Variants in PAH observed in about 807,000 individuals in gnomAD.
PAH encodes the protein phenylalanine hydroxylase, also known as phenylalanine-4-hydroxylase.
A neutral mutation model predicts 62.0 loss-of-function variants in PAH; 64 were observed. The ratio of observed to expected loss-of-function variants is 1.03; its 90% CI spans 0.84 to 1.27. The LOEUF is 1.27. Ranked by LOEUF, PAH falls within the 50% of genes most tolerant of loss-of-function variation. The pLI is 0.00. For synonymous variants in PAH, 195 were observed against 196.2 expected (o/e 0.99, Z 0.05); for missense variants, 579 against 542.8 (o/e 1.07, Z -0.66).
At chr12:102,854,239 T>G (rs12298125) in intron 6 of PAH, among the ~76,000 whole-genome samples, 34,645 of 152,132 alleles carry the variant, frequency 0.23, 4,783 homozygotes, top group Admixed American at 0.36. Flanking sequence ...CTTCCCTTCC[T>G]GCCAAGTAAT....
At chr12:102,842,617 G>C (rs1043151810) in intron 11 of PAH, among the ~76,000 whole-genome samples, 1 of 151,990 alleles carries the variant, frequency 6.6e-6, no homozygotes, top group Non-Finnish European at 1.5e-5. Context: ...TGAGGGGTCT[G>C]GGGGGGATGG....
intron 2 of PAH, among the ~76,000 whole-genome samples, chr12:102,896,366 T>C (rs935659734): frequency 2.0e-5 from 3 of 152,196 alleles, no homozygotes; most frequent in Admixed American, 6.5e-5. Context: ...CACAGGGTCA[T>C]TGCAGGCCAT....
intron 1 of PAH, among the ~76,000 whole-genome samples, chr12:102,932,438 G>T (rs1878917175): frequency 6.6e-6 from 1 of 152,286 alleles, no homozygotes; most frequent in South Asian, 2.1e-4. Context: ...GTTGCTTGAG[G>T]CTAGGAAGAT....
At chr12:102,889,627 G>A (rs1877196311) in intron 3 of PAH, among the ~76,000 whole-genome samples, 1 of 152,138 alleles carries the variant, frequency 6.6e-6, no homozygotes, top group Non-Finnish European at 1.5e-5. Context: ...CTGGCAATTT[G>A]AACTCACTTT....
intron 1 of PAH, among the ~76,000 whole-genome samples, chr12:102,924,216 A>G (rs1471961168): frequency 6.6e-6 from 1 of 152,200 alleles, no homozygotes; most frequent in African/African-American, 2.4e-5. Context: ...ATAAATCCTT[A>G]CAGTGAGTAT....
chr12:102,883,440 C>T (rs1306156690), intron 3 of PAH, among the ~76,000 whole-genome samples: 1 of 152,230 alleles, frequency 6.6e-6, no homozygotes, highest in East Asian at 1.9e-4. Flanking sequence ...GTGACTTTTT[C>T]CTTCTCCAGA....
exon 1 of PAH, chr12:102,958,213 C>T: frequency 6.9e-7 from 1 of 1,452,734 alleles, no homozygotes; most frequent in Non-Finnish European, 9.0e-7. Flanking sequence ...CCGGATCGCT[C>T]TGATTCCGCG....
chr12:102,861,242 A>G (rs10778200), intron 5 of PAH, among the ~76,000 whole-genome samples: 97,414 of 152,010 alleles, frequency 0.64, 32,571 homozygotes, highest in African/African-American at 0.78. Context: ...GCTCATCATC[A>G]CTGGCCATCA....
intron 4 of PAH, among the ~76,000 whole-genome samples, chr12:102,867,462 G>C (rs1320565264): frequency 6.6e-6 from 1 of 152,170 alleles, no homozygotes; most frequent in African/African-American, 2.4e-5. Context: ...TTGAGTGTTT[G>C]GGGTGGAAAT....
At position 102,837,076 on chromosome 12, in the gene PAH, C is replaced by A. The variant is rs1874394812; in HGVS notation, c.*2099G>T. The A allele has an allele frequency of 6.6e-6, 1 of 152,150 alleles. No homozygotes were observed. 9.4% of individuals were successfully genotyped at this position (152,150 alleles called of 1,614,324 possible). ...CAGCAAGATCATCTGTCAGTAAAGACTGATACTGTTTCTAAAATATTGCTC... is the reference window on the plus strand; with the variant it reads ...CAGCAAGATCATCTGTCAGTAAAGAATGATACTGTTTCTAAAATATTGCTC... On this transcript the variant is annotated 3_prime_UTR_variant, in exon 13 of 13. Coordinates refer to ENST00000553106, the MANE Select transcript of PAH (RefSeq NM_000277.3).
At chr12:102,868,630 G>C (rs972224171) in intron 4 of PAH, among the ~76,000 whole-genome samples, 2 of 150,956 alleles carry the variant, frequency 1.3e-5, no homozygotes, top group South Asian at 4.2e-4. Flanking sequence ...CGTTTCTACT[G>C]GGTGAAGGTA....
chr12:102,956,915 AT>A (rs1426066450), intron 1 of PAH, among the ~76,000 whole-genome samples: 1 of 152,158 alleles, frequency 6.6e-6, no homozygotes, highest in East Asian at 1.9e-4. Context: ...TAGAGACCAT[AT>A]TCTGTGGCTG....
At chr12:102,938,092 A>G (rs71466249) in intron 1 of PAH, among the ~76,000 whole-genome samples, 16,568 of 152,278 alleles carry the variant, frequency 0.11, 1,065 homozygotes, top group East Asian at 0.16. Context: ...AAGATTGTCC[A>G]GGAAGCCATG....
At chr12:102,877,575 C>T (rs781335206) in intron 3 of PAH, 25 bp from the exon 4 acceptor site, 5 of 1,564,292 alleles carry the variant, frequency 3.2e-6, no homozygotes, top group Non-Finnish European at 1.8e-6. Flanking sequence ...AGGCAACGTC[C>T]TGAGTACAGA....
At chr12:102,877,032 G>A (rs189415413) in intron 4 of PAH, among the ~76,000 whole-genome samples, 9 of 152,002 alleles carry the variant, frequency 5.9e-5, no homozygotes, top group East Asian at 3.9e-4. Context: ...TATCTGACCC[G>A]CATCTCCTAC....
At chr12:102,877,967 A>G (rs1187940221) in intron 3 of PAH, among the ~76,000 whole-genome samples, 1 of 152,094 alleles carries the variant, frequency 6.6e-6, no homozygotes, top group Non-Finnish European at 1.5e-5. Context: ...CTGGGATTAC[A>G]GGTGCACGCC....
In PAH at chr12:102,838,747, A is replaced by T. The variant is rs1387762787; in HGVS notation, c.*428T>A. On this transcript the variant is annotated 3_prime_UTR_variant, in exon 13 of 13. Coordinates refer to ENST00000553106, the MANE Select transcript of PAH (RefSeq NM_000277.3). ...TTAACTAAAATAGAAAATAAACTTC[A>T]TAGGTTACGATTTATATTAAGCCCA... is the stretch of plus-strand genomic sequence containing the variant. 3 of 161,232 alleles carry T rather than the reference A, an allele frequency of 1.9e-5. No homozygotes were observed. The highest frequency in any genetic ancestry group is 7.2e-5 in the African/African-American group (3 of 41,644). 10.0% of individuals were successfully genotyped at this position (161,232 alleles called of 1,614,324 possible). A position where few individuals can be genotyped will look rare whatever the true frequency, so the allele number is the denominator to read the frequency against.
At chr12:102,851,831 G>C in intron 7 of PAH, 75 bp from the exon 8 acceptor site, 1 of 1,059,778 alleles carries the variant, frequency 9.4e-7, no homozygotes, top group Non-Finnish European at 1.5e-6. Flanking sequence ...TTCTACATGA[G>C]GAATGGGCAG....
intron 3 of PAH, among the ~76,000 whole-genome samples, chr12:102,887,398 C>T (rs1198319805): frequency 6.6e-6 from 1 of 152,012 alleles, no homozygotes; most frequent in African/African-American, 2.4e-5. Context: ...GACCCTCATA[C>T]AATCCCACAC....
Sources: gnomAD v4.1 joint callset for allele counts (sites outside exome capture counted in the v4.1 genomes callset) on GRCh38, gnomAD v4.1.1 for gene constraint, MANE v1.5 for transcripts, NCBI Gene and HGNC (gene_info 2026-07-23, HGNC 2026-07-21) for gene names.